The following CDH9 variants were observed in gnomAD, a reference collection of about 807,000 sequenced individuals.
CDH9 encodes the protein cadherin-9.
A neutral mutation model predicts 70.9 loss-of-function variants in CDH9; 28 were observed. The ratio of observed to expected loss-of-function variants is 0.40; its 90% CI spans 0.29 to 0.54. The LOEUF is 0.54. CDH9 is among the 20% of genes least tolerant of loss of function. The probability of loss-of-function intolerance (pLI) is 0.59; values close to 1 mark genes in which losing one functional copy is unlikely to be tolerated. For synonymous variants in CDH9, 409 were observed against 343.1 expected (o/e 1.19, Z -2.12); for missense variants, 874 against 984.4 (o/e 0.89, Z 1.50).
chr5:26,940,702 A>G (rs1274433182), intron 2 of CDH9, among the ~76,000 whole-genome samples: 1 of 152,216 alleles, frequency 6.6e-6, no homozygotes, highest in Non-Finnish European at 1.5e-5. Flanking sequence ...CATTGTCTAC[A>G]TATCTGTTAA....
chr5:27,001,874 TCTC>T (rs1389588314), intron 1 of CDH9, among the ~76,000 whole-genome samples: 5 of 144,860 alleles, frequency 3.5e-5, no homozygotes, highest in Non-Finnish European at 7.7e-5. Flanking sequence ...TCTCTCTCTC[TCTC>T]AACAAAACGC....
At chr5:26,990,680 G>A (rs1742565472) in intron 1 of CDH9, among the ~76,000 whole-genome samples, 1 of 152,160 alleles carries the variant, frequency 6.6e-6, no homozygotes, top group Admixed American at 6.5e-5. Context: ...GTAGCTGAGT[G>A]ATGCTGTAGT....
At chr5:26,991,557 T>A (rs1742578775) in intron 1 of CDH9, among the ~76,000 whole-genome samples, 2 of 152,166 alleles carry the variant, frequency 1.3e-5, no homozygotes, top group Non-Finnish European at 2.9e-5. Context: ...CTCCACTTAA[T>A]CCTGAAATTC....
intron 2 of CDH9, among the ~76,000 whole-genome samples, chr5:26,986,966 C>T (rs1459939251): frequency 6.6e-6 from 1 of 151,886 alleles, no homozygotes; most frequent in Non-Finnish European, 1.5e-5. Flanking sequence ...ATAAAGGAGG[C>T]TGCTTTTGAT....
chr5:27,017,657 A>G (rs1342241223), intron 1 of CDH9, among the ~76,000 whole-genome samples: 1 of 151,980 alleles, frequency 6.6e-6, no homozygotes, highest in Non-Finnish European at 1.5e-5. Context: ...TTTCGTCATC[A>G]AGTTTCACAT....
Position 26,881,155 on chromosome 5 carries a change from T to A in CDH9, c.2351A>T (p.Asp784Val). 6.2e-7 allele frequency: 1 copy of A among 1,608,482 alleles called. No individual in the cohort carries two copies. The highest frequency in any genetic ancestry group is 1.1e-5 in the South Asian group (1 of 90,144). The change falls in exon 12 of 12, where the codon GAT becomes GTT. Residue 784 changes from aspartate to valine, a missense_variant. Transcript: ENST00000231021. ...ATCCTCTTAGTCTCGGTCACTATCA[T>A]CACCCCCATACATATCGGCAAGTTT... ...FKKLADMYGG[D>V]DSDRD
Position 27,034,856 on chromosome 5 carries a change from G to A in CDH9, c.-50+3607C>T, listed in dbSNP as rs1339260640. ...TTAGGGCTGTTATGGAAATGTAGAA[G>A]AGTGCTATAAAGACATTTTCCTCAC... On this transcript the variant is annotated intron_variant, in intron 1 of 11. Transcript: ENST00000231021. Among the ~76,000 whole-genome samples the A allele has an allele frequency of 4.6e-5, 7 of 151,632 alleles. No individual in the cohort carries two copies. In the Admixed American group the frequency reaches 4.6e-4, roughly 10 times the overall value.
rs964361237 is a variant in CDH9 at position 26,973,288 on chromosome 5, T to C, written c.228+14818A>G. Among the ~76,000 whole-genome samples the C allele has an allele frequency of 3.4e-5, 5 of 147,742 alleles. No homozygotes were observed. In the Admixed American group the frequency reaches 3.4e-4, roughly 10 times the overall value. Reference sequence around the variant, plus strand: ...TGCTCTCTATACCAGATCTATATTATGACTTCAGTTAATGACCTAAGAAAT... The same window carrying C: ...TGCTCTCTATACCAGATCTATATTACGACTTCAGTTAATGACCTAAGAAAT... On this transcript the variant is annotated intron_variant, in intron 2 of 11. Coordinates refer to ENST00000231021, the MANE Select transcript of CDH9 (RefSeq NM_016279.4).
At chr5:27,025,215 C>T (rs1018847579) in intron 1 of CDH9, among the ~76,000 whole-genome samples, 1 of 151,938 alleles carries the variant, frequency 6.6e-6, no homozygotes, top group African/African-American at 2.4e-5. Flanking sequence ...TTCACACAAG[C>T]GGTATAGACC....
At chr5:26,927,619 C>A (rs892671593) in intron 2 of CDH9, among the ~76,000 whole-genome samples, 3 of 151,980 alleles carry the variant, frequency 2.0e-5, no homozygotes, top group Non-Finnish European at 4.4e-5. Context: ...AAAAACCAAT[C>A]AGCTACTGAG....
At chr5:26,998,338 A>C (rs1201833882) in intron 1 of CDH9, among the ~76,000 whole-genome samples, 2 of 152,234 alleles carry the variant, frequency 1.3e-5, no homozygotes, top group East Asian at 3.9e-4. Flanking sequence ...CCAAATGTCC[A>C]TCAATGATAG....
intron 1 of CDH9, among the ~76,000 whole-genome samples, chr5:27,007,137 A>T (rs1404561277): frequency 6.6e-6 from 1 of 152,170 alleles, no homozygotes; most frequent in Non-Finnish European, 1.5e-5. Context: ...AGTTTGTCAG[A>T]TGCAAGCTAA....
chr5:26,890,014 A>G, intron 8 of CDH9, 57 bp from the exon 9 acceptor site: 1 of 1,539,966 alleles, frequency 6.5e-7, no homozygotes, highest in Non-Finnish European at 8.9e-7. Flanking sequence ...CAGTGAAACC[A>G]CTCACCCATT....
intron 2 of CDH9, among the ~76,000 whole-genome samples, chr5:26,958,774 TTATC>T (rs1184098686): frequency 6.6e-6 from 1 of 152,100 alleles, no homozygotes; most frequent in Non-Finnish European, 1.5e-5. Context: ...TAGAAATGCT[TTATC>T]TAATAAAAAG....
intron 2 of CDH9, among the ~76,000 whole-genome samples, chr5:26,936,531 A>G (rs991197677): frequency 1.2e-4 from 18 of 152,308 alleles, no homozygotes; most frequent in African/African-American, 4.1e-4. Context: ...TCAAAGTTAA[A>G]GCAAAGGTAA....
chr5:26,997,965 T>A (rs1217346759), intron 1 of CDH9, among the ~76,000 whole-genome samples: 1 of 152,222 alleles, frequency 6.6e-6, no homozygotes, highest in Non-Finnish European at 1.5e-5. Flanking sequence ...CCCAAAGTGC[T>A]GGGATTACAA....
intron 2 of CDH9, among the ~76,000 whole-genome samples, chr5:26,923,390 A>G (rs1405518479): frequency 1.3e-5 from 2 of 151,948 alleles, no homozygotes; most frequent in African/African-American, 4.8e-5. Flanking sequence ...TGAGCAACCT[A>G]TATATAAAAC....
rs765467798 is a variant in CDH9 at position 26,881,298 on chromosome 5, T to A, written c.2208A>T (p.Ala736=). The change falls in exon 12 of 12, where the codon GCA becomes GCT. Residue 736 remains alanine (A), a synonymous_variant. Transcript: ENST00000231021. ...AATCATTCCCTTCATAGGCATACGT[T>A]GCCAGCGAATCATATGGAGGTGCAC... is the stretch of plus-strand genomic sequence containing the variant. ...DPSAPPYDSL[A]TYAYEGNDSI... is the part of the protein sequence containing the mutation. The A allele has an allele frequency of 5.6e-6, 9 of 1,613,170 alleles. No homozygotes were observed. Among genetic ancestry groups the A allele is most frequent in the Non-Finnish European group, 7.6e-6 (9 of 1,179,350 alleles).
At chr5:26,951,300 A>C (rs1489592691) in intron 2 of CDH9, among the ~76,000 whole-genome samples, 2 of 150,106 alleles carry the variant, frequency 1.3e-5, no homozygotes, top group East Asian at 2.0e-4. Context: ...TCAAAAAAAA[A>C]AAAAAAAAAA....
Sources: gnomAD v4.1 joint callset for allele counts (sites outside exome capture counted in the v4.1 genomes callset) on GRCh38, gnomAD v4.1.1 for gene constraint, MANE v1.5 for transcripts, NCBI Gene and HGNC (gene_info 2026-07-23, HGNC 2026-07-21) for gene names.